The following CNBD2 variants were observed in gnomAD, a reference collection of about 807,000 sequenced individuals.
The protein encoded by CNBD2 is cyclic nucleotide binding domain containing 2.
A neutral mutation model predicts 63.7 loss-of-function variants in CNBD2; 64 were observed. That is an observed-to-expected ratio of 1.00 (90% CI 0.82 to 1.24). The LOEUF is 1.24. Among genes scored for constraint, CNBD2 ranks in the 50% most tolerant of loss-of-function variants. The pLI, the probability that CNBD2 is intolerant of heterozygous loss-of-function variation, is 0.00. For missense variants in CNBD2, 691 were observed against 713.5 expected (o/e 0.97, Z 0.36); for synonymous variants, 229 against 255.4 (o/e 0.90, Z 0.99).
At chr20:35,994,908 C>A (rs1384311711) in intron 7 of CNBD2, 130 bp from the exon 8 acceptor site, 2 of 612,392 alleles carry the variant, frequency 3.3e-6, no homozygotes, top group Non-Finnish European at 5.8e-6. Context: ...AAAAAAGAAC[C>A]TGAAACCACT....
At chr20:35,999,620 A>G (rs1267377167) in intron 8 of CNBD2, among the ~76,000 whole-genome samples, 1 of 152,084 alleles carries the variant, frequency 6.6e-6, no homozygotes, top group East Asian at 1.9e-4. Flanking sequence ...ATTATACTTT[A>G]ATGTATATTA....
intron 10 of CNBD2, 89 bp from the exon 11 acceptor site, chr20:36,023,513 C>CA (rs1481346674): frequency 1.6e-3 from 1,945 of 1,188,338 alleles, no homozygotes; most frequent in South Asian, 2.0e-3. Context: ...AACTCCGTCT[C>CA]AAAAAAAAAT....
chr20:36,011,080 G>A, intron 9 of CNBD2, 57 bp from the exon 10 acceptor site: 1 of 1,395,936 alleles, frequency 7.2e-7, no homozygotes, highest in South Asian at 1.8e-5. Flanking sequence ...GATTAGCCAG[G>A]GCCTCAGGAG....
At chr20:36,018,192 G>T (rs1226780167) in intron 10 of CNBD2, among the ~76,000 whole-genome samples, 1 of 152,186 alleles carries the variant, frequency 6.6e-6, no homozygotes, top group African/African-American at 2.4e-5. Flanking sequence ...GGACAGGGAG[G>T]CCTGGGCAGG....
intron 2 of CNBD2, among the ~76,000 whole-genome samples, chr20:35,975,586 C>G (rs925672039): frequency 1.3e-5 from 2 of 152,140 alleles, no homozygotes; most frequent in African/African-American, 4.8e-5. Flanking sequence ...AGGCGTGAGC[C>G]ACCGCGCCCA....
Position 35,987,460 on chromosome 20 carries a change from TAG to T in CNBD2, c.787_788del (p.Arg263ValfsTer26). On this transcript the variant is annotated frameshift_variant, in exon 7 of 12. Transcript: ENST00000373973. LOFTEE classifies it high-confidence loss of function. ...TGGCAGCTGGTAGCCATGGCGAAGA[TAG>T]AGAGGTTCTCGTATGGGCAGCTGAT... 6.2e-7 allele frequency: 1 copy of T among 1,614,164 alleles called. No individual in the cohort carries two copies. Among genetic ancestry groups the T allele is most frequent in the Non-Finnish European group, 8.5e-7 (1 of 1,180,026 alleles).
At chr20:35,958,725 T>G (rs1156964134), downstream of CNBD2, 1 of 152,202 alleles carries the variant, frequency 6.6e-6, no homozygotes, top group East Asian at 1.9e-4. Context: ...TAGAACTGTC[T>G]GATCACCACA....
chr20:35,998,874 CAA>C (rs74173968), intron 8 of CNBD2, among the ~76,000 whole-genome samples: 97 of 47,368 alleles, frequency 2.0e-3, no homozygotes, highest in Middle Eastern at 0.011. Context: ...CTGTGTCTCT[CAA>C]AAAAAAAAAA....
chr20:36,013,169 A>C (rs1166662609), intron 10 of CNBD2, among the ~76,000 whole-genome samples: 2 of 152,236 alleles, frequency 1.3e-5, no homozygotes, highest in African/African-American at 2.4e-5. Context: ...CTGTAATCCC[A>C]GCACTTTGGG....
At chr20:35,958,262 A>G (rs1292795825), downstream of CNBD2, among the ~76,000 whole-genome samples, 2 of 151,910 alleles carry the variant, frequency 1.3e-5, no homozygotes, top group Admixed American at 6.6e-5. Context: ...GAAATCCCAT[A>G]TCTACTAAAA....
chr20:36,025,878 T>C (rs1447238343), intron 11 of CNBD2, among the ~76,000 whole-genome samples: 1 of 152,174 alleles, frequency 6.6e-6, no homozygotes, highest in African/African-American at 2.4e-5. Context: ...TATATCCACA[T>C]ATAATATTAC....
At position 36,011,148 on chromosome 20, in the gene CNBD2, C is replaced by G. The variant is rs768145949; in HGVS notation, c.1160C>G (p.Ala387Gly). The G allele has an allele frequency of 6.3e-7, 1 of 1,576,880 alleles. No individual in the cohort carries two copies. Among genetic ancestry groups the G allele is most frequent in the Non-Finnish European group, 8.6e-7 (1 of 1,160,334 alleles). The change falls in exon 10 of 12, where the codon GCT becomes GGT. Residue 387 changes from alanine (A) to glycine (G), a missense_variant. Coordinates refer to ENST00000373973, the MANE Select transcript of CNBD2 (RefSeq NM_001365709.1). ...CTGTCACATTTCAGATCCAGGCCTG[C>G]TCAGTCGATCAAATGTGCCATGATC... ...MLGPKIQSRP[A>G]QSIKCAMINI...
chr20:35,955,686 G>A (rs937386765), downstream of CNBD2, among the ~76,000 whole-genome samples: 12 of 152,312 alleles, frequency 7.9e-5, no homozygotes, highest in South Asian at 2.3e-3. Flanking sequence ...AATTCAGTGA[G>A]ATGATGTAGG....
intron 7 of CNBD2, among the ~76,000 whole-genome samples, chr20:35,994,344 C>T (rs1201135947): frequency 6.6e-6 from 1 of 151,744 alleles, no homozygotes; most frequent in African/African-American, 2.4e-5. Flanking sequence ...GGATTACAGG[C>T]GTGAGCCACA....
chr20:35,980,953 A>G (rs1168606141), intron 4 of CNBD2, among the ~76,000 whole-genome samples: 3 of 152,174 alleles, frequency 2.0e-5, no homozygotes, highest in Admixed American at 6.6e-5. Flanking sequence ...CCAGACAAAA[A>G]GAAACAGCGC....
chr20:36,023,262 C>T (rs548392419), intron 10 of CNBD2, among the ~76,000 whole-genome samples: 9 of 152,254 alleles, frequency 5.9e-5, no homozygotes, highest in South Asian at 2.1e-4. Flanking sequence ...CGGTGGCTCA[C>T]GCCTGTAATC....
chr20:36,019,567 A>ACGAC (rs1028715483), intron 10 of CNBD2, among the ~76,000 whole-genome samples: 1 of 150,522 alleles, frequency 6.6e-6, no homozygotes, highest in Non-Finnish European at 1.5e-5. Context: ...AAGCTATGGA[A>ACGAC]CGACCTGGCA....
At chr20:35,956,014 C>T (rs1600996742), downstream of CNBD2, among the ~76,000 whole-genome samples, 1 of 152,216 alleles carries the variant, frequency 6.6e-6, no homozygotes, top group Non-Finnish European at 1.5e-5. Context: ...AGCCACCGTG[C>T]CGGGCCACAA....
chr20:35,972,729 C>G lies in CNBD2; in HGVS notation c.152C>G (p.Thr51Ser). 1 of 1,614,128 alleles carries G rather than the reference C, an allele frequency of 6.2e-7. No homozygotes were observed. Among genetic ancestry groups the G allele is most frequent in the Admixed American group, 1.7e-5 (1 of 60,026 alleles). Residue 51 changes from threonine (T) to serine (S), a missense_variant, in exon 2 of 12, where the codon ACT becomes AGT. Transcript: ENST00000373973. ...TTCCGGGAATATCAAATCATTGAGA[C>G]TGCTCACTGGAAGCACCCTATCTTC... ...RGFREYQIIETAHWKHPIFSF... is the reference protein window; with the variant it reads ...RGFREYQIIESAHWKHPIFSF...
Sources: gnomAD v4.1 joint callset for allele counts (sites outside exome capture counted in the v4.1 genomes callset) on GRCh38, gnomAD v4.1.1 for gene constraint, MANE v1.5 for transcripts, NCBI Gene and HGNC (gene_info 2026-07-23, HGNC 2026-07-21) for gene names.